ZBTB43: variants seen among roughly 807,000 people sequenced by gnomAD.
ZBTB43 encodes zinc finger and BTB domain containing 43, also known as zinc finger and BTB domain-containing protein 43.
Under a neutral mutation model 31.1 loss-of-function variants are expected in ZBTB43, and 6 were observed. The ratio of observed to expected loss-of-function variants is 0.19; its 90% CI spans 0.11 to 0.38. The LOEUF (loss-of-function observed/expected upper bound fraction) is 0.38, where lower values mean the gene tolerates loss of function less well. ZBTB43 is among the 10% of genes least tolerant of loss of function. The pLI, the probability that ZBTB43 is intolerant of heterozygous loss-of-function variation, is 1.00. For missense variants in ZBTB43, 379 were observed against 602.1 expected (o/e 0.63, Z 3.88); for synonymous variants, 212 against 221.7 (o/e 0.96, Z 0.39).
At chr9:126,811,920 G>A (rs1315466336) in intron 2 of ZBTB43, among the ~76,000 whole-genome samples, 5 of 152,098 alleles carry the variant, frequency 3.3e-5, no homozygotes, top group African/African-American at 9.7e-5. Context: ...CACCGCACCC[G>A]GCCACATTAC....
intron 2 of ZBTB43, among the ~76,000 whole-genome samples, chr9:126,811,994 T>C (rs995974173): frequency 6.6e-6 from 1 of 152,120 alleles, no homozygotes; most frequent in Non-Finnish European, 1.5e-5. Flanking sequence ...TTTTTTGGTA[T>C]ATTCACAGAT....
chr9:126,816,631 GA>G (rs1444975164), intron 2 of ZBTB43, among the ~76,000 whole-genome samples: 3 of 152,116 alleles, frequency 2.0e-5, no homozygotes, highest in African/African-American at 7.2e-5. Flanking sequence ...TTGTATACCC[GA>G]ATATTGTTAG....
At chr9:126,826,612 C>T (rs949367482) in intron 2 of ZBTB43, among the ~76,000 whole-genome samples, 1 of 151,820 alleles carries the variant, frequency 6.6e-6, no homozygotes, top group South Asian at 2.1e-4. Context: ...TACAGGCGCC[C>T]GCCACCACGC....
At chr9:126,812,693 G>A (rs1316815547) in intron 2 of ZBTB43, among the ~76,000 whole-genome samples, 4 of 152,142 alleles carry the variant, frequency 2.6e-5, no homozygotes, top group African/African-American at 9.7e-5. Flanking sequence ...TATGCTTATA[G>A]GTTATTTGTA....
chr9:126,823,546 G>A (rs2119145270), intron 2 of ZBTB43, among the ~76,000 whole-genome samples: 1 of 152,304 alleles, frequency 6.6e-6, no homozygotes, highest in South Asian at 2.1e-4. Flanking sequence ...ACTAAAGTGA[G>A]TCTCTTGTAG....
chr9:126,811,684 G>C (rs764702134), intron 2 of ZBTB43, among the ~76,000 whole-genome samples: 3 of 152,046 alleles, frequency 2.0e-5, no homozygotes, highest in Non-Finnish European at 4.4e-5. Flanking sequence ...GGAGTGCAGT[G>C]GGGTAATCTT....
At chr9:126,820,298 T>C (rs2032481701) in intron 2 of ZBTB43, among the ~76,000 whole-genome samples, 1 of 152,134 alleles carries the variant, frequency 6.6e-6, no homozygotes, top group South Asian at 2.1e-4. Context: ...AAGTTATAAC[T>C]CTCTCATTAG....
rs1554742745 is a variant in ZBTB43, at chr9:126,828,654, A to ATTATTATTATTATT, written c.-23-3833_-23-3832insTTATTATTATTATT. On this transcript the variant is annotated intron_variant, in intron 2 of 2. Coordinates refer to ENST00000373464, the MANE Select transcript of ZBTB43 (RefSeq NM_014007.4). ...AAATAATAATAATAATAATAATAAT[A>ATTATTATTATTATT]ATTATTATTATTATTATTATTATTT... is the stretch of plus-strand genomic sequence containing the variant. Among the ~76,000 whole-genome samples the ATTATTATTATTATT allele has an allele frequency of 1.2e-3, 148 of 127,716 alleles. 1 individual carries two copies. Among genetic ancestry groups the ATTATTATTATTATT allele is most frequent in the African/African-American group, 4.5e-3 (144 of 31,894 alleles). 83.8% of individuals were successfully genotyped at this position (127,716 alleles called of 152,430 possible).
intron 2 of ZBTB43, among the ~76,000 whole-genome samples, chr9:126,818,127 T>C (rs1187595784): frequency 6.7e-6 from 1 of 148,950 alleles, no homozygotes; most frequent in Non-Finnish European, 1.5e-5. Context: ...TTCTTTTTTT[T>C]TTTTTTTCCT....
chr9:126,818,580 T>C (rs560789985), intron 2 of ZBTB43, among the ~76,000 whole-genome samples: 2 of 152,302 alleles, frequency 1.3e-5, no homozygotes, highest in Admixed American at 1.3e-4. Context: ...GTGCTGAATT[T>C]TGTCAGATGC....
intron 2 of ZBTB43, among the ~76,000 whole-genome samples, chr9:126,812,685 T>C (rs956836250): frequency 4.6e-5 from 7 of 152,254 alleles, no homozygotes; most frequent in African/African-American, 1.7e-4. Flanking sequence ...GGTTTTCATA[T>C]GCTTATAGGT....
At chr9:126,831,655 A>T (rs977595131) in intron 2 of ZBTB43, 16 of 152,042 alleles carry the variant, frequency 1.1e-4, no homozygotes, top group African/African-American at 3.6e-4. Flanking sequence ...TTAATTTTTT[A>T]AAAAAACTAG....
rs1342709161 is a variant in ZBTB43, at chr9:126,808,842, C to G, written c.-97C>G. On this transcript the variant is annotated 5_prime_UTR_variant, in exon 2 of 3. Transcript: ENST00000373464. The stretch of plus-strand genomic sequence containing the variant: ...GCAAAACTGAAATGGGTTCTTCTTC[C>G]TCATTCTATTCATGTTGCTTTTTGA... The G allele has an allele frequency of 1.3e-5, 2 of 151,958 alleles. No individual in the cohort carries two copies. Among genetic ancestry groups the G allele is most frequent in the Non-Finnish European group, 2.9e-5 (2 of 67,970 alleles). The allele number at this position is 151,958 out of a possible 1,614,324, so 9.4% of individuals were successfully genotyped here. A position where few individuals can be genotyped will look rare whatever the true frequency, so the allele number is the denominator to read the frequency against.
upstream of ZBTB43, among the ~76,000 whole-genome samples, chr9:126,804,599 C>G (rs1588347036): frequency 1.3e-5 from 2 of 152,198 alleles, no homozygotes; most frequent in East Asian, 1.9e-4. Context: ...ATTCTCCTGT[C>G]TCAGCTTCCC....
At chr9:126,811,113 T>A (rs1400674792) in intron 2 of ZBTB43, among the ~76,000 whole-genome samples, 1 of 149,992 alleles carries the variant, frequency 6.7e-6, no homozygotes, top group African/African-American at 2.5e-5. Flanking sequence ...TCTCAGCTAC[T>A]CAGGAGGCTG....
At position 126,838,046 on chromosome 9, in the gene ZBTB43, A is replaced by G. The variant is rs1171423566; in HGVS notation, c.*4133A>G. 5 of 167,038 alleles carry G rather than the reference A, an allele frequency of 3.0e-5. No homozygotes were observed. Among genetic ancestry groups the G allele is most frequent in the Admixed American group, 1.3e-4 (2 of 15,288 alleles). The allele number at this position is 167,038 out of a possible 1,614,324, so 10.3% of individuals were successfully genotyped here. On this transcript the variant is annotated 3_prime_UTR_variant, in exon 3 of 3. Coordinates refer to ENST00000373464, the MANE Select transcript of ZBTB43 (RefSeq NM_014007.4). ...TGATATTTTGTGAAATGTTATGCCT[A>G]TGTTGCAAAAGTTGAATAGTTTTGT...
At chr9:126,828,017 C>T (rs1228416818) in intron 2 of ZBTB43, among the ~76,000 whole-genome samples, 1 of 144,510 alleles carries the variant, frequency 6.9e-6, no homozygotes, top group Non-Finnish European at 1.5e-5. Context: ...AACTCCGTCT[C>T]AAAAAAAAAA....
At position 126,834,938 on chromosome 9, in the gene ZBTB43, A is replaced by T. The variant is rs1392290486; in HGVS notation, c.*1025A>T. ...GTAGTTCATAGAGTGCTAAGGTGACACTCCACCAACCAGAGTGAGAGGGCA... is the reference window on the plus strand; with the variant it reads ...GTAGTTCATAGAGTGCTAAGGTGACTCTCCACCAACCAGAGTGAGAGGGCA... On this transcript the variant is annotated 3_prime_UTR_variant, in exon 3 of 3. Coordinates refer to ENST00000373464, the MANE Select transcript of ZBTB43 (RefSeq NM_014007.4). 3.0e-5 allele frequency: 5 copies of T among 166,946 alleles called. No homozygotes were observed. Among genetic ancestry groups the T allele is most frequent in the African/African-American group, 4.8e-5 (2 of 41,400 alleles). The allele number at this position is 166,946 out of a possible 1,614,324, so 10.3% of individuals were successfully genotyped here.
chr9:126,833,464 G>A lies in ZBTB43; in HGVS notation c.955G>A (p.Gly319Ser), dbSNP rs577845855. ...TTATGATGAGCAGGTGGATTTCTAT[G>A]GCTCTTCCATGGAAGAGTTTTCCGG... ...SNYDEQVDFY[G>S]SSMEEFSGER... is the part of the protein sequence containing the mutation. Residue 319 changes from glycine (G) to serine (S), a missense_variant, in exon 3 of 3, where the codon GGC becomes AGC. By Grantham distance (56) the Gly-to-Ser change is moderately conservative. This residue lies in a region of ZBTB43 where 253 missense variants were observed against 322.3 expected (regional missense o/e 0.79). Coordinates refer to ENST00000373464, the MANE Select transcript of ZBTB43 (RefSeq NM_014007.4). The surrounding 1 kb of genome is among the most constrained non-coding windows in gnomAD (Gnocchi z 7.9). 1 of 1,614,178 alleles carries A rather than the reference G, an allele frequency of 6.2e-7. No individual in the cohort carries two copies. Among genetic ancestry groups the A allele is most frequent in the South Asian group, 1.1e-5 (1 of 91,072 alleles).
Sources: gnomAD v4.1 joint callset for allele counts (sites outside exome capture counted in the v4.1 genomes callset) on GRCh38, gnomAD v4.1.1 for gene constraint, gnomAD v4.1.1 regional missense constraint, Gnocchi (gnomAD v3.1) non-coding constraint, MANE v1.5 for transcripts, NCBI Gene and HGNC (gene_info 2026-07-23, HGNC 2026-07-21) for gene names.